Variants in IRF2 observed in about 807,000 individuals in gnomAD.
IRF2 encodes the protein interferon regulatory factor 2.
Under a neutral mutation model 40.6 loss-of-function variants are expected in IRF2, and 15 were observed. That is an observed-to-expected ratio of 0.37 (90% CI 0.25 to 0.57). The LOEUF is 0.57. IRF2 is among the 20% of genes least tolerant of loss of function. The pLI, the probability that IRF2 is intolerant of heterozygous loss-of-function variation, is 0.77. For missense variants in IRF2, 317 were observed against 455.7 expected (o/e 0.70, Z 2.77); for synonymous variants, 151 against 165.5 (o/e 0.91, Z 0.67).
intron 3 of IRF2, among the ~76,000 whole-genome samples, chr4:184,418,918 G>A (rs981787486): frequency 7.2e-5 from 11 of 152,208 alleles, no homozygotes; most frequent in African/African-American, 2.2e-4. Flanking sequence ...AACAGTTCCA[G>A]TCAAACTGGG....
chr4:184,446,849 G>A (rs1352139550), intron 1 of IRF2, among the ~76,000 whole-genome samples: 1 of 152,082 alleles, frequency 6.6e-6, no homozygotes, highest in Admixed American at 6.6e-5. Flanking sequence ...CAGCTACTCG[G>A]GAGGCTGAGG....
chr4:184,399,401 T>TCCAGCA (rs1736587927), intron 6 of IRF2, among the ~76,000 whole-genome samples: 1 of 152,216 alleles, frequency 6.6e-6, no homozygotes. Context: ...AGAGGCGGCA[T>TCCAGCA]CCAGCCCCAG....
chr4:184,422,011 A>T (rs1579838135), intron 2 of IRF2, among the ~76,000 whole-genome samples: 1 of 151,842 alleles, frequency 6.6e-6, no homozygotes, highest in South Asian at 2.1e-4. Flanking sequence ...GTAAGCTCTC[A>T]CTCCATTAGC....
rs997319096 is a variant in IRF2 at position 184,408,824 on chromosome 4, G to C, written c.412-549C>G. Among the ~76,000 whole-genome samples, 4 of 152,214 alleles carry C rather than the reference G, an allele frequency of 2.6e-5. No homozygotes were observed. Among genetic ancestry groups the C allele is most frequent in the Non-Finnish European group, 5.9e-5 (4 of 68,036 alleles). On this transcript the variant is annotated intron_variant, in intron 5 of 8. Coordinates refer to ENST00000393593, the MANE Select transcript of IRF2 (RefSeq NM_002199.4). This position sits in a 1 kb window ranked among gnomAD's most constrained non-coding sequence, Gnocchi z 4.9. The stretch of plus-strand genomic sequence containing the variant: ...GCCACCTGAGGCCCTGCATTGGATG[G>C]CTGGCTGATCACCCTGGCCTGAGTC...
chr4:184,442,352 C>T (rs895981330), intron 1 of IRF2, among the ~76,000 whole-genome samples: 3 of 152,280 alleles, frequency 2.0e-5, no homozygotes, highest in African/African-American at 7.2e-5. Context: ...AAGAGAGAAC[C>T]AGAGGGGCTT....
At chr4:184,412,344 C>A (rs1283702292) in intron 5 of IRF2, among the ~76,000 whole-genome samples, 1 of 152,032 alleles carries the variant, frequency 6.6e-6, no homozygotes, top group Non-Finnish European at 1.5e-5. Context: ...TGGGGACAGA[C>A]CAGAGTTAGA....
intron 1 of IRF2, among the ~76,000 whole-genome samples, chr4:184,434,409 T>G (rs1048079365): frequency 6.6e-6 from 1 of 150,754 alleles, no homozygotes; most frequent in Non-Finnish European, 1.5e-5. Context: ...TAATCTGATG[T>G]TTTTTTTTCT....
At chr4:184,440,664 T>G (rs1738271781) in intron 1 of IRF2, among the ~76,000 whole-genome samples, 1 of 152,264 alleles carries the variant, frequency 6.6e-6, no homozygotes, top group African/African-American at 2.4e-5. Context: ...CCCCAGGTCC[T>G]GTTCCCATTT....
At chr4:184,415,952 G>C (rs920282865) in intron 5 of IRF2, among the ~76,000 whole-genome samples, 1 of 152,186 alleles carries the variant, frequency 6.6e-6, no homozygotes, top group African/African-American at 2.4e-5. Context: ...TGAAATTGTA[G>C]CAAATTCTCA....
In IRF2 at chr4:184,460,702, C is replaced by T. The variant is rs1469016702; in HGVS notation, c.-7+13677G>A. On this transcript the variant is annotated intron_variant, in intron 1 of 8. Coordinates refer to ENST00000393593, the MANE Select transcript of IRF2 (RefSeq NM_002199.4). ...ACATGCACGCACACACACACATGCA[C>T]ACGCACACACACACACGCGAAGAGA... Among the ~76,000 whole-genome samples the T allele has an allele frequency of 2.0e-5, 3 of 151,558 alleles. No homozygotes were observed. The East Asian group carries it at 5.8e-4, about 29-fold the overall frequency.
At chr4:184,394,490 C>T (rs1736373530) in intron 7 of IRF2, among the ~76,000 whole-genome samples, 1 of 152,198 alleles carries the variant, frequency 6.6e-6, no homozygotes, top group Non-Finnish European at 1.5e-5. Context: ...CAATTACTTT[C>T]ACCAGGAGTA....
chr4:184,416,317 CA>C (rs1383527631), intron 5 of IRF2, among the ~76,000 whole-genome samples: 5 of 35,052 alleles, frequency 1.4e-4, no homozygotes, highest in South Asian at 9.4e-4. Context: ...GACCTTGTCT[CA>C]AAAAAAAAAC....
chr4:184,455,267 C>CCCTTCCCTCCT (rs1561125323), intron 1 of IRF2, among the ~76,000 whole-genome samples: 5 of 106,254 alleles, frequency 4.7e-5, no homozygotes, highest in African/African-American at 1.7e-4. Flanking sequence ...CCTTCCCTCC[C>CCCTTCCCTCCT]TCTCCCTCCC....
intron 6 of IRF2, among the ~76,000 whole-genome samples, chr4:184,401,597 C>T (rs1185847881): frequency 2.6e-5 from 4 of 152,144 alleles, no homozygotes; most frequent in African/African-American, 9.7e-5. Flanking sequence ...CACAGACTGA[C>T]GCTGACCTAC....
intron 1 of IRF2, among the ~76,000 whole-genome samples, chr4:184,455,051 C>G (rs1180713909): frequency 6.6e-6 from 1 of 152,116 alleles, no homozygotes; most frequent in Non-Finnish European, 1.5e-5. Flanking sequence ...CATTCTTGGC[C>G]AGATTAATCT....
Position 184,407,121 on chromosome 4 carries a change from C to A in IRF2, c.529+1037G>T. On this transcript the variant is annotated intron_variant, in intron 6 of 8. Transcript: ENST00000393593. ...GACCAGTCAGACAGAATGTCCGCAC[C>A]TGCAAACTTTTTACACTGCCCGGGA... 5 of 1,174,548 alleles carry A rather than the reference C, an allele frequency of 4.3e-6. No homozygotes were observed. The South Asian group carries it at 6.4e-5, about 15-fold the overall frequency. The allele number at this position is 1,174,548 out of a possible 1,614,324, so 72.8% of individuals were successfully genotyped here.
At chr4:184,433,672 G>T (rs66610162) in intron 1 of IRF2, among the ~76,000 whole-genome samples, 8 of 139,908 alleles carry the variant, frequency 5.7e-5, no homozygotes, top group Non-Finnish European at 9.5e-5. Context: ...TTGGTTGGTT[G>T]GTTTGTTTGT....
chr4:184,460,641 GCACACA>G (rs767144163), intron 1 of IRF2, among the ~76,000 whole-genome samples: 2 of 142,414 alleles, frequency 1.4e-5, no homozygotes, highest in South Asian at 2.4e-4. Context: ...ACGCATGCAC[GCACACA>G]CACACACACA....
At chr4:184,467,314 C>T (rs545829695) in intron 1 of IRF2, among the ~76,000 whole-genome samples, 1 of 152,326 alleles carries the variant, frequency 6.6e-6, no homozygotes, top group South Asian at 2.1e-4. Context: ...TCTTCACTCT[C>T]TCCCATTCAA....
Sources: allele counts gnomAD v4.1 joint callset (sites outside exome capture counted in the v4.1 genomes callset), GRCh38; gene constraint gnomAD v4.1.1; non-coding constraint Gnocchi (gnomAD v3.1); transcripts MANE v1.5; gene names NCBI Gene and HGNC (gene_info 2026-07-23, HGNC 2026-07-21).